ATIC: variants seen among roughly 807,000 people sequenced by gnomAD.
ATIC encodes the protein bifunctional purine biosynthesis protein ATIC.
In ATIC, 64 loss-of-function variants were observed where a neutral mutation model predicts 72.5. That is an observed-to-expected ratio of 0.88 (90% CI 0.72 to 1.09). ATIC has a LOEUF of 1.09. ATIC is among the 50% of genes least tolerant of loss of function. The probability of loss-of-function intolerance (pLI) is 0.00; values close to 1 mark genes in which losing one functional copy is unlikely to be tolerated. For missense variants in ATIC, 787 were observed against 732.4 expected (o/e 1.07, Z -0.86); for synonymous variants, 281 against 267.1 (o/e 1.05, Z -0.51).
At chr2:215,346,203 C>T (rs1281089096) in intron 13 of ATIC, among the ~76,000 whole-genome samples, 1 of 151,960 alleles carries the variant, frequency 6.6e-6, no homozygotes, top group Non-Finnish European at 1.5e-5. Context: ...GCTCTGTTGC[C>T]CAGGCCAGAG....
At chr2:215,316,566 T>A (rs952134162) in intron 2 of ATIC, among the ~76,000 whole-genome samples, 2 of 152,082 alleles carry the variant, frequency 1.3e-5, no homozygotes, top group Non-Finnish European at 2.9e-5. Flanking sequence ...CATAGTGAGA[T>A]CCCATCTCAA....
chr2:215,349,999 T>C (rs962692851), downstream of ATIC, among the ~76,000 whole-genome samples: 4 of 152,210 alleles, frequency 2.6e-5, no homozygotes, highest in African/African-American at 4.8e-5. Flanking sequence ...CTGGGAGTTA[T>C]ACCCATCTTA....
At chr2:215,326,791 TC>T (rs2052831594) in intron 6 of ATIC, 30 bp from the exon 7 acceptor site, 1 of 1,613,194 alleles carries the variant, frequency 6.2e-7, no homozygotes, top group Non-Finnish European at 8.5e-7. Flanking sequence ...AAAGTGCTGC[TC>T]GTGTCTCACA....
chr2:215,341,375 T>C (rs1039569998), intron 12 of ATIC, among the ~76,000 whole-genome samples: 4 of 152,206 alleles, frequency 2.6e-5, no homozygotes, highest in South Asian at 2.1e-4. Context: ...TTTGTAGATA[T>C]TGGATTCATT....
the ATIC span, among the ~76,000 whole-genome samples, chr2:215,356,879 A>C: frequency 6.6e-6 from 1 of 152,206 alleles, no homozygotes; most frequent in Non-Finnish European, 1.5e-5. Flanking sequence ...ACTATGAATG[A>C]TGCTGCTATG....
chr2:215,347,458 A>G (rs140445748), intron 14 of ATIC, among the ~76,000 whole-genome samples: 2 of 152,294 alleles, frequency 1.3e-5, no homozygotes, highest in African/African-American at 2.4e-5. Context: ...GAACATTACA[A>G]TCGCAAACGT....
At chr2:215,332,131 C>CGTGTGTGTGTGT (rs71044585) in intron 7 of ATIC, among the ~76,000 whole-genome samples, 25 of 142,254 alleles carry the variant, frequency 1.8e-4, no homozygotes, top group Middle Eastern at 3.5e-3. Context: ...GTCCTCCAGT[C>CGTGTGTGTGTGT]GTGTGTGTGT....
intron 9 of ATIC, among the ~76,000 whole-genome samples, chr2:215,334,197 T>TC (rs1255224721): frequency 7.0e-6 from 1 of 143,618 alleles, no homozygotes; most frequent in Admixed American, 6.9e-5. Flanking sequence ...TTCTTTTTTT[T>TC]TTTTTTTTTT....
At chr2:215,337,913 T>G (rs1024620317) in intron 11 of ATIC, among the ~76,000 whole-genome samples, 6 of 152,208 alleles carry the variant, frequency 3.9e-5, no homozygotes. Context: ...ATGAGACAAC[T>G]TATCCCTCTA....
At chr2:215,330,946 C>G (rs1225420067) in intron 7 of ATIC, among the ~76,000 whole-genome samples, 1 of 152,158 alleles carries the variant, frequency 6.6e-6, no homozygotes, top group Non-Finnish European at 1.5e-5. Flanking sequence ...CATTAAGTTT[C>G]TTCCACATCT....
chr2:215,333,408 T>A lies in ATIC; in HGVS notation c.873T>A (p.Asp291Glu). The change falls in exon 9 of 16, where the codon GAT becomes GAA. Residue 291 changes from aspartate (D) to glutamate (E), a missense_variant. Physicochemically the swap from Asp to Glu is conservative, Grantham distance 45. Coordinates refer to ENST00000236959, the MANE Select transcript of ATIC (RefSeq NM_004044.7). ...EDEAKVCMVY[D>E]LYKTLTPISA... ...AGGCCAAAGTCTGCATGGTTTATGA[T>A]CTCTATAAAACCCTCACACCCATCT... The A allele has an allele frequency of 5.6e-6, 9 of 1,614,076 alleles. No homozygotes were observed. The highest frequency in any genetic ancestry group is 7.6e-6 in the Non-Finnish European group (9 of 1,180,016).
At chr2:215,365,733 T>C in the ATIC span, 1 of 1,016,616 alleles carries the variant, frequency 9.8e-7, no homozygotes, top group African/African-American at 1.6e-5. Flanking sequence ...AGAACCATGA[T>C]CTGGAAAAAT....
intron 12 of ATIC, among the ~76,000 whole-genome samples, chr2:215,340,556 C>T (rs1486032426): frequency 6.6e-6 from 1 of 152,094 alleles, no homozygotes; most frequent in Non-Finnish European, 1.5e-5. Flanking sequence ...ATTTTGAGGG[C>T]TGGATGGTGT....
At chr2:215,363,241 T>C in the ATIC span, 3 of 152,320 alleles carry the variant, frequency 2.0e-5, no homozygotes, top group East Asian at 5.8e-4. Context: ...AAAGGTTTCA[T>C]GTGCATAAAT....
intron 14 of ATIC, chr2:215,347,326 T>C: frequency 2.7e-6 from 1 of 371,728 alleles, no homozygotes; most frequent in South Asian, 2.2e-5. Context: ...CAACATTAAA[T>C]ACAAATTGCC....
chr2:215,329,585 G>A (rs773965803), intron 7 of ATIC, among the ~76,000 whole-genome samples: 4 of 152,138 alleles, frequency 2.6e-5, no homozygotes, highest in Non-Finnish European at 5.9e-5. Context: ...ACAAAGATGG[G>A]GTTGTGTGAG....
chr2:215,339,335 A>G (rs2052991466), intron 12 of ATIC, among the ~76,000 whole-genome samples: 1 of 152,138 alleles, frequency 6.6e-6, no homozygotes, highest in South Asian at 2.1e-4. Context: ...CTGACCATGT[A>G]GTGAAACCTT....
intron 2 of ATIC, among the ~76,000 whole-genome samples, chr2:215,317,733 C>A (rs565195451): frequency 4.3e-4 from 65 of 152,246 alleles, no homozygotes; most frequent in South Asian, 2.3e-3. Context: ...AGGTGATCCA[C>A]CTGCCTCAGC....
chr2:215,365,382 A>G, the ATIC span: 2 of 1,037,860 alleles, frequency 1.9e-6, no homozygotes, highest in East Asian at 4.8e-5. Context: ...AGATTAAGAA[A>G]CCCACTGTTC....
Sources: gnomAD v4.1 joint callset for allele counts (sites outside exome capture counted in the v4.1 genomes callset) on GRCh38, gnomAD v4.1.1 for gene constraint, MANE v1.5 for transcripts, NCBI Gene and HGNC (gene_info 2026-07-23, HGNC 2026-07-21) for gene names.